Variants in TLE4 observed in about 807,000 individuals in gnomAD.
The protein encoded by TLE4 is TLE family member 4, transcriptional corepressor.
TLE4 carries 8 observed loss-of-function variants against 92.8 expected under a neutral mutation model. The observed-to-expected ratio is 0.09, with a 90% CI of 0.05 to 0.16. TLE4 has a LOEUF of 0.16. Among genes scored for constraint, TLE4 ranks in the 10% least tolerant of loss-of-function variants. The pLI is 1.00. For missense variants in TLE4, 675 were observed against 997.6 expected (o/e 0.68, Z 4.36); for synonymous variants, 371 against 374.1 (o/e 0.99, Z 0.10).
At chr9:79,661,692 C>T (rs1003627883) in intron 8 of TLE4, among the ~76,000 whole-genome samples, 6 of 152,162 alleles carry the variant, frequency 3.9e-5, no homozygotes, top group Non-Finnish European at 7.4e-5. Flanking sequence ...GAAATGTTAG[C>T]ATTGAATACT....
chr9:79,620,125 A>G (rs1463153820), intron 5 of TLE4, among the ~76,000 whole-genome samples: 1 of 152,260 alleles, frequency 6.6e-6, no homozygotes, highest in Non-Finnish European at 1.5e-5. Context: ...GTCTCAACAA[A>G]TTAATGAGTG....
At chr9:79,606,408 A>G (rs1343267376) in intron 4 of TLE4, among the ~76,000 whole-genome samples, 1 of 134,544 alleles carries the variant, frequency 7.4e-6, no homozygotes, top group Non-Finnish European at 1.6e-5. Context: ...TTTAAGTTCT[A>G]GGGTGCATGT....
intron 8 of TLE4, chr9:79,704,563 C>T: frequency 3.7e-6 from 2 of 542,126 alleles, no homozygotes; most frequent in Non-Finnish European, 6.4e-6. Context: ...TTTTTTCTTT[C>T]TTTCCCATTA....
intron 8 of TLE4, among the ~76,000 whole-genome samples, chr9:79,658,668 T>C (rs2060100612): frequency 6.6e-6 from 1 of 152,258 alleles, no homozygotes; most frequent in Non-Finnish European, 1.5e-5. Flanking sequence ...GTTTTTAGTC[T>C]GAATTAACAG....
At chr9:79,586,686 A>G (rs1015677946) in intron 4 of TLE4, among the ~76,000 whole-genome samples, 1 of 152,256 alleles carries the variant, frequency 6.6e-6, no homozygotes, top group African/African-American at 2.4e-5. Flanking sequence ...TAAGTAGAAG[A>G]AGGGAGAAAT....
intron 8 of TLE4, among the ~76,000 whole-genome samples, chr9:79,702,427 G>A (rs1166533345): frequency 6.6e-6 from 1 of 152,156 alleles, no homozygotes; most frequent in Non-Finnish European, 1.5e-5. Flanking sequence ...TGCATGCATG[G>A]TTTCAGTGGT....
At chr9:79,670,884 TG>T (rs1280893495) in intron 8 of TLE4, among the ~76,000 whole-genome samples, 4 of 152,140 alleles carry the variant, frequency 2.6e-5, no homozygotes, top group Non-Finnish European at 5.9e-5. Flanking sequence ...TTTTTTTGTT[TG>T]TTTTTTTAGT....
intron 4 of TLE4, 140 bp downstream of exon 4, chr9:79,576,317 GT>G (rs1167445233): frequency 4.5e-6 from 2 of 442,248 alleles, no homozygotes; most frequent in Non-Finnish European, 8.0e-6. Context: ...AGAAAATGCT[GT>G]TTTTTCATGT....
At chr9:79,635,301 T>C (rs1453977587) in intron 6 of TLE4, among the ~76,000 whole-genome samples, 1 of 152,090 alleles carries the variant, frequency 6.6e-6, no homozygotes, top group African/African-American at 2.4e-5. Context: ...TTTTTTTTCA[T>C]CAGTCAGTTT....
At position 79,652,703 on chromosome 9, in the gene TLE4, C is replaced by T. The variant is rs1393417802; in HGVS notation, c.501C>T (p.Ala167=). 1.4e-5 allele frequency: 22 copies of T among 1,614,068 alleles called. No homozygotes were observed. Among genetic ancestry groups the T allele is most frequent in the South Asian group, 3.3e-5 (3 of 91,088 alleles). Residue 167 remains alanine (A), a synonymous_variant, in exon 7 of 20, where the codon GCC becomes GCT. Coordinates refer to ENST00000376552, the MANE Select transcript of TLE4 (RefSeq NM_007005.6). ...PPAIPPIGSS[A]GLLALSSALG... The stretch of plus-strand genomic sequence containing the variant: ...CCATTCCACCCATCGGTAGCAGTGC[C>T]GGGCTTCTGGCCCTCTCCAGTGCTC...
At position 79,722,975 on chromosome 9, in the gene TLE4, C is replaced by T. The variant is rs1207303946; in HGVS notation, c.2154C>T (p.Ser718=). The change falls in exon 19 of 20, where the codon AGC becomes AGT. Residue 718 remains serine, a synonymous_variant. Transcript: ENST00000376552. ...TACCTATAGGCAAATGGTTTGTAAG[C>T]ACTGGAAAGGACAACCTTCTGAATG... The part of the protein sequence containing the change: ...KFAHCGKWFV[S]TGKDNLLNAW... 1 of 1,614,150 alleles carries T rather than the reference C, an allele frequency of 6.2e-7. No homozygotes were observed. Among genetic ancestry groups the T allele is most frequent in the Non-Finnish European group, 8.5e-7 (1 of 1,180,018 alleles).
At chr9:79,616,774 T>C (rs2049735241) in intron 5 of TLE4, among the ~76,000 whole-genome samples, 1 of 152,096 alleles carries the variant, frequency 6.6e-6, no homozygotes, top group African/African-American at 2.4e-5. Flanking sequence ...CAGGAACATA[T>C]CTATGTAGAG....
chr9:79,719,433 A>G (rs1360652607), intron 15 of TLE4, among the ~76,000 whole-genome samples: 2 of 152,120 alleles, frequency 1.3e-5, no homozygotes, highest in Non-Finnish European at 2.9e-5. Flanking sequence ...ATGAGGCTAC[A>G]TCAGTTGAAC....
At chr9:79,647,331 A>G (rs1263844090) in intron 6 of TLE4, among the ~76,000 whole-genome samples, 1 of 152,170 alleles carries the variant, frequency 6.6e-6, no homozygotes, top group Non-Finnish European at 1.5e-5. Context: ...GAGTTCATTA[A>G]TTAGTTCAGG....
chr9:79,681,450 C>T (rs961272285), intron 8 of TLE4, among the ~76,000 whole-genome samples: 10 of 151,990 alleles, frequency 6.6e-5, no homozygotes, highest in African/African-American at 1.9e-4. Context: ...GTAGCAGAAG[C>T]GAAGGTTCAT....
chr9:79,590,504 G>A (rs1445250950), intron 4 of TLE4, among the ~76,000 whole-genome samples: 1 of 152,150 alleles, frequency 6.6e-6, no homozygotes, highest in African/African-American at 2.4e-5. Context: ...GGCAGGCAAA[G>A]TACATTATGT....
chr9:79,615,797 A>G (rs2049430592), intron 5 of TLE4, among the ~76,000 whole-genome samples: 1 of 152,192 alleles, frequency 6.6e-6, no homozygotes, highest in Admixed American at 6.5e-5. Flanking sequence ...ATTAGAGTTT[A>G]CTAAAACATT....
At position 79,719,053 on chromosome 9, in the gene TLE4, A is replaced by G. The variant is rs1333418683; in HGVS notation, c.1590+82A>G. On this transcript the variant is annotated intron_variant, in intron 15 of 19. Coordinates refer to ENST00000376552, the MANE Select transcript of TLE4 (RefSeq NM_007005.6). ...GATGAGAGAACTGTATGTATGAGCA[A>G]CACCACACAGTATTGATCCCAGGTG... The G allele has an allele frequency of 5.2e-6, 8 of 1,528,728 alleles. No homozygotes were observed. In the African/African-American group the frequency reaches 8.2e-5, roughly 16 times the overall value. 94.7% of individuals were successfully genotyped at this position (1,528,728 alleles called of 1,614,324 possible).
intron 3 of TLE4, 21 bp downstream of exon 3, chr9:79,574,957 A>G (rs781666963): frequency 5.6e-6 from 9 of 1,606,334 alleles, no homozygotes; most frequent in Middle Eastern, 3.3e-4. Context: ...CATGTCACAG[A>G]TTCAAAGTGC....
Sources: gnomAD v4.1 joint callset for allele counts (sites outside exome capture counted in the v4.1 genomes callset) on GRCh38, gnomAD v4.1.1 for gene constraint, MANE v1.5 for transcripts, NCBI Gene and HGNC (gene_info 2026-07-23, HGNC 2026-07-21) for gene names.